SH3PXD2A: variants seen among roughly 807,000 people sequenced by gnomAD.
The protein encoded by SH3PXD2A is SH3 and PX domain-containing protein 2A.
In SH3PXD2A, 32 loss-of-function variants were observed where a neutral mutation model predicts 115.2. The observed-to-expected ratio is 0.28, with a 90% CI of 0.21 to 0.37. SH3PXD2A has a LOEUF of 0.37. Ranked by LOEUF, SH3PXD2A falls within the 10% of genes least tolerant of loss-of-function variation. SH3PXD2A has a pLI of 1.00. For synonymous variants in SH3PXD2A, 610 were observed against 629.1 expected (o/e 0.97, Z 0.45); for missense variants, 1,328 against 1,498.7 (o/e 0.89, Z 1.88).
intron 2 of SH3PXD2A, among the ~76,000 whole-genome samples, chr10:103,777,375 G>A (rs2038890179): frequency 6.6e-6 from 1 of 152,260 alleles, no homozygotes; most frequent in South Asian, 2.1e-4. Flanking sequence ...AGGCGTCTTG[G>A]CCTGGGCCAG....
chr10:103,821,193 A>AGT (rs2039376343), intron 1 of SH3PXD2A, among the ~76,000 whole-genome samples: 1 of 129,516 alleles, frequency 7.7e-6, no homozygotes, highest in Admixed American at 9.0e-5. Flanking sequence ...CCCAGGCTGG[A>AGT]GTGCAGTGGT....
At chr10:103,803,092 C>A (rs1260252476) in intron 1 of SH3PXD2A, among the ~76,000 whole-genome samples, 2 of 152,174 alleles carry the variant, frequency 1.3e-5, no homozygotes, top group Non-Finnish European at 2.9e-5. Flanking sequence ...GGAAAATGAG[C>A]TGAATCCAGT....
rs1170223879 is a variant in SH3PXD2A, at chr10:103,811,325, G to A, written c.73-9963C>T. Among the ~76,000 whole-genome samples, 3 of 152,192 alleles carry A rather than the reference G, an allele frequency of 2.0e-5. No homozygotes were observed. The East Asian group carries it at 5.8e-4, about 29-fold the overall frequency. ...CGCCAAACCTTCTTACACGCACAAT[G>A]GGATTGATTGATCAGGAGTAAAAGA... On this transcript the variant is annotated intron_variant, in intron 1 of 14. Coordinates refer to ENST00000369774, the MANE Select transcript of SH3PXD2A (RefSeq NM_001394015.1).
intron 13 of SH3PXD2A, among the ~76,000 whole-genome samples, chr10:103,607,672 C>T (rs1450930407): frequency 1.3e-5 from 2 of 152,008 alleles, no homozygotes; most frequent in Admixed American, 6.5e-5. Flanking sequence ...TCATTGAGAA[C>T]GGGCCATGAT....
At chr10:103,794,084 T>C (rs1273701138) in intron 2 of SH3PXD2A, among the ~76,000 whole-genome samples, 1 of 152,194 alleles carries the variant, frequency 6.6e-6, no homozygotes, top group Non-Finnish European at 1.5e-5. Flanking sequence ...TACACATTCA[T>C]TCCAAGGCTG....
intron 3 of SH3PXD2A, among the ~76,000 whole-genome samples, chr10:103,743,281 T>A (rs2038464010): frequency 6.6e-6 from 1 of 152,070 alleles, no homozygotes; most frequent in African/African-American, 2.4e-5. Context: ...AAACGACCCC[T>A]CTTTCATTCT....
At chr10:103,744,617 A>T (rs2038480483) in intron 3 of SH3PXD2A, among the ~76,000 whole-genome samples, 1 of 152,124 alleles carries the variant, frequency 6.6e-6, no homozygotes, top group Non-Finnish European at 1.5e-5. Context: ...GGCTCAGATC[A>T]CACCCTGACA....
At chr10:103,725,139 C>T (rs1403148937) in intron 4 of SH3PXD2A, among the ~76,000 whole-genome samples, 1 of 152,146 alleles carries the variant, frequency 6.6e-6, no homozygotes, top group Non-Finnish European at 1.5e-5. Context: ...AAGCTAAGTT[C>T]TGAAGGATGG....
At chr10:103,734,774 T>A (rs1011135532) in intron 4 of SH3PXD2A, among the ~76,000 whole-genome samples, 8 of 152,258 alleles carry the variant, frequency 5.3e-5, no homozygotes, top group Non-Finnish European at 1.0e-4. Flanking sequence ...TAAATAAAAA[T>A]TTTTAAAAAA....
At chr10:103,722,024 C>T (rs996096896) in intron 5 of SH3PXD2A, among the ~76,000 whole-genome samples, 2 of 151,800 alleles carry the variant, frequency 1.3e-5, no homozygotes, top group South Asian at 2.1e-4. Context: ...AAGCCCTGGC[C>T]GGGCGCAGTT....
intron 3 of SH3PXD2A, chr10:103,749,985 G>C (rs1210847701): frequency 6.7e-6 from 1 of 149,154 alleles, no homozygotes; most frequent in African/African-American, 2.5e-5. Flanking sequence ...GAGAGATTCT[G>C]ACTCAGAACC....
Position 103,596,659 on chromosome 10 carries a change from A to ACTCTCT in SH3PXD2A, c.*5156_*5157insAGAGAG, listed in dbSNP as rs781020469. On this transcript the variant is annotated 3_prime_UTR_variant, in exon 15 of 15. Coordinates refer to ENST00000369774, the MANE Select transcript of SH3PXD2A (RefSeq NM_001394015.1). ...GACACACACACACACACACACACAC[A>ACTCTCT]CACACTCTCTCTCTCTCTCTCTCTC... The ACTCTCT allele has an allele frequency of 3.7e-4, 18 of 48,912 alleles. No homozygotes were observed. The highest frequency in any genetic ancestry group is 1.0e-3 in the Admixed American group (5 of 5,010). The allele number at this position is 48,912 out of a possible 1,614,324, so 3.0% of individuals were successfully genotyped here. A position where few individuals can be genotyped will look rare whatever the true frequency, so the allele number is the denominator to read the frequency against.
chr10:103,784,442 C>T lies in SH3PXD2A; in HGVS notation c.153+16840G>A, dbSNP rs1204028315. Among the ~76,000 whole-genome samples, 1 of 152,356 alleles carries T rather than the reference C, an allele frequency of 6.6e-6. No homozygotes were observed. The highest frequency in any genetic ancestry group is 1.9e-4 in the East Asian group (1 of 5,192). ...GGAAGGGAATGTAGCATTGACCAGA[C>T]ACCTCTTCTATCTGCACCATTTTAT... On this transcript the variant is annotated intron_variant, in intron 2 of 14. Transcript: ENST00000369774. The surrounding 1 kb of genome is among the most constrained non-coding windows in gnomAD (Gnocchi z 4.4).
At chr10:103,608,150 T>TTAAAAAAAAAAAAAAAAAGTTTAC (rs2036356171) in intron 13 of SH3PXD2A, among the ~76,000 whole-genome samples, 7 of 32,660 alleles carry the variant, frequency 2.1e-4, no homozygotes, top group Admixed American at 1.2e-3. Flanking sequence ...ATGATCAATT[T>TTAAAAAAAAAAAAAAAAAGTTTAC]AAAAAAAAAA....
At chr10:103,827,148 T>C (rs1179806567) in intron 1 of SH3PXD2A, among the ~76,000 whole-genome samples, 10 of 152,140 alleles carry the variant, frequency 6.6e-5, no homozygotes, top group African/African-American at 1.9e-4. Flanking sequence ...GGGAGGGAGA[T>C]GTCACCTCTT....
chr10:103,723,872 G>A (rs1392075094), intron 5 of SH3PXD2A, among the ~76,000 whole-genome samples: 1 of 152,138 alleles, frequency 6.6e-6, no homozygotes, highest in Admixed American at 6.5e-5. Flanking sequence ...TTTCATCCTG[G>A]GCAGTGCACA....
chr10:103,789,162 G>A (rs1488995440), intron 2 of SH3PXD2A, among the ~76,000 whole-genome samples: 1 of 75,688 alleles, frequency 1.3e-5, no homozygotes, highest in Non-Finnish European at 2.7e-5. Context: ...TGCTGCCATC[G>A]TCAGTGGGGG....
chr10:103,607,655 C>A (rs2133919920), intron 13 of SH3PXD2A, among the ~76,000 whole-genome samples: 1 of 152,364 alleles, frequency 6.6e-6, no homozygotes, highest in East Asian at 1.9e-4. Flanking sequence ...GAGGTGTACC[C>A]AACAGCTCAT....
intron 8 of SH3PXD2A, among the ~76,000 whole-genome samples, chr10:103,652,011 A>G (rs1270837087): frequency 6.6e-6 from 1 of 152,242 alleles, no homozygotes; most frequent in Admixed American, 6.5e-5. Flanking sequence ...TGCTTTATGG[A>G]CAGTCCTTGG....
Sources: gnomAD v4.1 joint callset for allele counts (sites outside exome capture counted in the v4.1 genomes callset) on GRCh38, gnomAD v4.1.1 for gene constraint, Gnocchi (gnomAD v3.1) non-coding constraint, MANE v1.5 for transcripts, NCBI Gene and HGNC (gene_info 2026-07-23, HGNC 2026-07-21) for gene names.